The following PC variants were observed in gnomAD, a reference collection of about 807,000 sequenced individuals.
PC encodes the protein pyruvate carboxylase, mitochondrial.
Under a neutral mutation model 107.8 loss-of-function variants are expected in PC, and 46 were observed. The observed-to-expected ratio is 0.43, with a 90% confidence interval of 0.34 to 0.55. The LOEUF (loss-of-function observed/expected upper bound fraction) is 0.55, where lower values mean the gene tolerates loss of function less well. PC is among the 20% of genes least tolerant of loss of function. PC has a pLI of 0.04. For missense variants in PC, 1,241 were observed against 1,643.1 expected, an observed-to-expected ratio of 0.76 and a Z score of 4.23; for synonymous variants, 662 against 684.7, an observed-to-expected ratio of 0.97 and a Z score of 0.52.
chr11:66,904,488 A>C (rs772264129), intron 3 of PC, among the ~76,000 whole-genome samples: 1 of 152,164 alleles, frequency 6.6e-6, no homozygotes, highest in African/African-American at 2.4e-5. Flanking sequence ...AAATACAAAA[A>C]TTAGCCTTGC....
Position 66,850,776 on chromosome 11 carries a change from C to T in PC, c.2371G>A (p.Ala791Thr), listed in dbSNP as rs769964667. Residue 791 changes from alanine (A) to threonine (T), a missense_variant, in exon 18 of 23, where the codon GCT becomes ACT. Ala to Thr is a moderately conservative substitution (Grantham distance 58, BLOSUM62 0). Around this residue, in one of 2 missense-constraint regions of PC, gnomAD observed 1,143 missense variants for 1,551.9 expected, o/e 0.74. Coordinates refer to ENST00000393960, the MANE Select transcript of PC (RefSeq NM_001040716.2). ...TCAGCTGCCACATCCACCACATCAGCTCCAGCCTGGGCACAGGCCAGCATG... is the reference window on the plus strand; with the variant it reads ...TCAGCTGCCACATCCACCACATCAGTTCCAGCCTGGGCACAGGCCAGCATG... ...AAMLACAQAG[A>T]DVVDVAADSM... 6.2e-7 allele frequency: 1 copy of T among 1,611,592 alleles called. No homozygotes were observed. The highest frequency in any genetic ancestry group is 8.5e-7 in the Non-Finnish European group (1 of 1,179,992).
At chr11:66,951,505 C>A (rs1949437353) in intron 3 of PC, among the ~76,000 whole-genome samples, 1 of 152,122 alleles carries the variant, frequency 6.6e-6, no homozygotes, top group South Asian at 2.1e-4. Flanking sequence ...CCTGTAATCC[C>A]AGCATCTGGG....
chr11:66,895,223 CTT>C (rs1463223375), intron 3 of PC, among the ~76,000 whole-genome samples: 1 of 152,122 alleles, frequency 6.6e-6, no homozygotes, highest in East Asian at 1.9e-4. Flanking sequence ...TTACGTGACT[CTT>C]TGCATGCTAC....
chr11:66,853,039 G>A (rs1945599922), intron 13 of PC, 200 bp downstream of exon 13: 1 of 696,404 alleles, frequency 1.4e-6, no homozygotes, highest in Non-Finnish European at 2.4e-6. Context: ...TGGAAAGGTG[G>A]GGTCTCTCAG....
chr11:66,952,330 T>G (rs1044979649), intron 3 of PC, 100 bp downstream of exon 3: 6 of 152,198 alleles, frequency 3.9e-5, no homozygotes, highest in African/African-American at 1.2e-4. Flanking sequence ...TTTTATTGAT[T>G]GAGCTTAAGA....
intron 3 of PC, among the ~76,000 whole-genome samples, chr11:66,883,764 C>T (rs1419435931): frequency 1.3e-5 from 2 of 152,072 alleles, no homozygotes; most frequent in African/African-American, 2.4e-5. Flanking sequence ...CTTCAGGTCA[C>T]AATGAGGTTG....
intron 3 of PC, among the ~76,000 whole-genome samples, chr11:66,879,031 TG>T (rs1254862752): frequency 6.6e-6 from 1 of 152,168 alleles, no homozygotes; most frequent in Non-Finnish European, 1.5e-5. Context: ...GCGCCATGCC[TG>T]GGTGACAAAC....
intron 3 of PC, among the ~76,000 whole-genome samples, chr11:66,887,374 G>A (rs544540722): frequency 6.6e-6 from 1 of 152,254 alleles, no homozygotes; most frequent in Admixed American, 6.5e-5. Flanking sequence ...AAGTAATATA[G>A]AGAACAGATA....
rs760232619 is a variant in PC, at chr11:66,850,135, A to C, written c.2719-19T>G. 1 of 1,613,768 alleles carries C rather than the reference A, an allele frequency of 6.2e-7. No individual in the cohort carries two copies. The highest frequency in any genetic ancestry group is 8.5e-7 in the Non-Finnish European group (1 of 1,180,018). ...GCGTCACCTGAGGAGAAGGCCCTGG[A>C]GGTTAGGGTGCCAGGCACCTCAAGG... On this transcript the variant is annotated intron_variant, in intron 19 of 22. Coordinates refer to ENST00000393960, the MANE Select transcript of PC (RefSeq NM_001040716.2).
rs1949628873 is a variant in PC, at chr11:66,958,306, C to G, written c.-228+16G>C. 2 of 152,356 alleles carry G rather than the reference C, an allele frequency of 1.3e-5. No homozygotes were observed. Among genetic ancestry groups the G allele is most frequent in the East Asian group, 3.8e-4 (2 of 5,196 alleles). 9.4% of individuals were successfully genotyped at this position (152,356 alleles called of 1,614,324 possible). ...GCCGCGGGAAGAGGACCGTGCGGAG[C>G]GCGGCGGACACTCACCTCCTCGCCG... On this transcript the variant is annotated intron_variant, in intron 1 of 22. Transcript: ENST00000393960.
chr11:66,856,253 G>A (rs1355113129), intron 12 of PC, among the ~76,000 whole-genome samples: 1 of 152,256 alleles, frequency 6.6e-6, no homozygotes, highest in East Asian at 1.9e-4. Context: ...GCGCTGCGAG[G>A]ACGCACAGCT....
intron 3 of PC, among the ~76,000 whole-genome samples, chr11:66,928,385 C>CA (rs752969475): frequency 0.47 from 43,858 of 94,288 alleles, 8,623 homozygotes; most frequent in East Asian, 0.57. Context: ...GACTCCATCT[C>CA]AAAAAAAAAA....
chr11:66,891,581 C>T (rs569449948), intron 3 of PC, among the ~76,000 whole-genome samples: 392 of 148,046 alleles, frequency 2.6e-3, no homozygotes, highest in Non-Finnish European at 4.7e-3. Flanking sequence ...TTAGTAGAGA[C>T]GGGTTTCACC....
Position 66,866,470 on chromosome 11 carries a change from G to T in PC, c.1023-121C>A. On this transcript the variant is annotated intron_variant, in intron 10 of 22. Transcript: ENST00000393960. The surrounding 1 kb of genome is among the most constrained non-coding windows in gnomAD (Gnocchi z 5.4). ...ACACACAGTGCGACTCCTGCCCATA[G>T]GCTCTGGGCCAGCCTGAACAGCCGG... The T allele has an allele frequency of 1.4e-6, 1 of 739,242 alleles. No homozygotes were observed. The highest frequency in any genetic ancestry group is 2.3e-6 in the Non-Finnish European group (1 of 438,410). 45.8% of individuals were successfully genotyped at this position (739,242 alleles called of 1,614,324 possible).
At chr11:66,901,498 C>T (rs1217010682) in intron 3 of PC, among the ~76,000 whole-genome samples, 2 of 152,028 alleles carry the variant, frequency 1.3e-5, no homozygotes, top group Admixed American at 1.3e-4. Context: ...GAGACAGAGT[C>T]CCGCTCTGTC....
chr11:66,851,702 G>T, intron 16 of PC, 88 bp downstream of exon 16: 1 of 1,365,388 alleles, frequency 7.3e-7, no homozygotes, highest in Non-Finnish European at 1.0e-6. Context: ...GTGTCAGGCT[G>T]ACCGTGGAGA....
intron 3 of PC, chr11:66,908,051 A>G (rs1260189755): frequency 1.3e-5 from 2 of 152,244 alleles, no homozygotes; most frequent in African/African-American, 4.8e-5. Flanking sequence ...ATAAAAAAAC[A>G]AACACTAGGT....
chr11:66,934,321 T>A (rs1948941242), intron 3 of PC: 2 of 152,644 alleles, frequency 1.3e-5, no homozygotes, highest in South Asian at 4.1e-4. Flanking sequence ...CACATGACTG[T>A]GTGATTTCAT....
intron 3 of PC, among the ~76,000 whole-genome samples, chr11:66,885,653 G>A (rs1028594208): frequency 1.3e-5 from 2 of 152,100 alleles, no homozygotes; most frequent in Non-Finnish European, 2.9e-5. Flanking sequence ...AGGAGATGAC[G>A]GCCACATGAC....
Sources: allele counts gnomAD v4.1 joint callset (sites outside exome capture counted in the v4.1 genomes callset), GRCh38; gene constraint gnomAD v4.1.1; regional missense constraint gnomAD v4.1.1; non-coding constraint Gnocchi (gnomAD v3.1); transcripts MANE v1.5; gene names NCBI Gene and HGNC (gene_info 2026-07-23, HGNC 2026-07-21).